GNB1L: variants seen among roughly 807,000 people sequenced by gnomAD.
The protein encoded by GNB1L is guanine nucleotide-binding protein subunit beta-like protein 1.
In GNB1L, 20 loss-of-function variants were observed where a neutral mutation model predicts 29.1. The ratio of observed to expected loss-of-function variants is 0.69; its 90% CI spans 0.48 to 1.00. The LOEUF (loss-of-function observed/expected upper bound fraction) is 1.00, where lower values mean the gene tolerates loss of function less well. GNB1L is among the 50% of genes least tolerant of loss of function. GNB1L has a pLI of 0.00. For synonymous variants in GNB1L, 193 were observed against 206.5 expected (o/e 0.93, Z 0.56); for missense variants, 421 against 464.9 (o/e 0.91, Z 0.87).
intron 4 of GNB1L, among the ~76,000 whole-genome samples, chr22:19,813,108 T>C (rs986256856): frequency 3.3e-5 from 5 of 152,030 alleles, no homozygotes; most frequent in Admixed American, 3.3e-4. Flanking sequence ...ATTAGAATTG[T>C]AAAGTCAATA....
intron 2 of GNB1L, chr22:19,848,205 A>G (rs949234893): frequency 4.0e-5 from 39 of 985,280 alleles, no homozygotes; most frequent in Admixed American, 6.1e-5. Context: ...TCCTATCTTC[A>G]GGAAATAAAA....
At chr22:19,849,028 G>T (rs1239184896) in intron 2 of GNB1L, 5 of 985,388 alleles carry the variant, frequency 5.1e-6, no homozygotes, top group Non-Finnish European at 6.0e-6. Flanking sequence ...CCCACAAAAG[G>T]GGGGATGGGG....
At chr22:19,822,944 T>C (rs1325820305) in intron 2 of GNB1L, among the ~76,000 whole-genome samples, 1 of 152,126 alleles carries the variant, frequency 6.6e-6, no homozygotes, top group Non-Finnish European at 1.5e-5. Context: ...TCAAAACACC[T>C]GAGAAATGCC....
At chr22:19,835,945 T>C (rs564333054) in intron 2 of GNB1L, among the ~76,000 whole-genome samples, 137 of 152,272 alleles carry the variant, frequency 9.0e-4, no homozygotes, top group African/African-American at 3.2e-3. Flanking sequence ...CATTAAATAC[T>C]TACATCGACA....
chr22:19,844,248 G>A lies in GNB1L; in HGVS notation c.-21+10195C>T, dbSNP rs147354954. Among the ~76,000 whole-genome samples, 734 of 152,326 alleles carry A rather than the reference G, an allele frequency of 4.8e-3. 2 individuals are homozygous for A. Among genetic ancestry groups the A allele is most frequent in the Non-Finnish European group, 6.6e-3 (449 of 68,016 alleles). On this transcript the variant is annotated intron_variant, in intron 2 of 7. Coordinates refer to ENST00000329517, the MANE Select transcript of GNB1L (RefSeq NM_053004.3). Reference sequence around the variant, plus strand: ...CGCCCAAATGGCGTGATTCGTTCCCGAGCAGAGACAAGCAAGTTCCTCTAG... The same window carrying A: ...CGCCCAAATGGCGTGATTCGTTCCCAAGCAGAGACAAGCAAGTTCCTCTAG...
intron 2 of GNB1L, chr22:19,851,842 G>C (rs200814178): frequency 6.2e-7 from 1 of 1,613,866 alleles, no homozygotes; most frequent in Non-Finnish European, 8.5e-7. Flanking sequence ...TGAGGATCTC[G>C]CAGACACGGC....
chr22:19,791,474 C>G (rs1937252726), intron 7 of GNB1L, among the ~76,000 whole-genome samples: 1 of 152,216 alleles, frequency 6.6e-6, no homozygotes. Flanking sequence ...AGCTCTCTGC[C>G]TGGAGACAAT....
chr22:19,829,588 C>T (rs1455712200), intron 2 of GNB1L, among the ~76,000 whole-genome samples: 5 of 151,870 alleles, frequency 3.3e-5, no homozygotes, highest in Admixed American at 6.6e-5. Flanking sequence ...GACTATCACA[C>T]AAAAATAGTA....
chr22:19,811,412 C>T (rs765645961), intron 5 of GNB1L, among the ~76,000 whole-genome samples: 5 of 152,152 alleles, frequency 3.3e-5, no homozygotes, highest in South Asian at 4.1e-4. Flanking sequence ...GCCCCGCCCT[C>T]GGGCCACCAT....
At chr22:19,821,581 G>A (rs1937579651) in intron 2 of GNB1L, among the ~76,000 whole-genome samples, 1 of 152,188 alleles carries the variant, frequency 6.6e-6, no homozygotes, top group African/African-American at 2.4e-5. Context: ...ACGGCGGTGA[G>A]CCCAGCAGAG....
intron 2 of GNB1L, chr22:19,847,770 G>T (rs888625438): frequency 3.4e-6 from 3 of 880,016 alleles, no homozygotes; most frequent in African/African-American, 2.4e-5. Context: ...ACAACTCTGG[G>T]CATCTAAAAC....
At chr22:19,842,071 C>G (rs542501608) in intron 2 of GNB1L, among the ~76,000 whole-genome samples, 1 of 152,334 alleles carries the variant, frequency 6.6e-6, no homozygotes, top group East Asian at 1.9e-4. Context: ...CACCTGGAAC[C>G]AGAAAGGCAC....
chr22:19,795,335 G>A (rs1443867863), intron 7 of GNB1L, among the ~76,000 whole-genome samples: 3 of 151,782 alleles, frequency 2.0e-5, no homozygotes, highest in Non-Finnish European at 4.4e-5. Context: ...CCTTCTCTGC[G>A]TAACTGGTAA....
At chr22:19,811,353 C>G (rs1421606395) in intron 5 of GNB1L, among the ~76,000 whole-genome samples, 1 of 152,142 alleles carries the variant, frequency 6.6e-6, no homozygotes, top group Admixed American at 6.5e-5. Context: ...TGGGCATGGA[C>G]AGTAGCCCCC....
At chr22:19,804,560 A>G (rs111285453) in intron 6 of GNB1L, among the ~76,000 whole-genome samples, 1 of 152,028 alleles carries the variant, frequency 6.6e-6, no homozygotes, top group Non-Finnish European at 1.5e-5. Context: ...AAATTAAAAA[A>G]TTTTTTAAAT....
rs1444421926 is a variant in GNB1L, at chr22:19,816,838, C to G, written c.254+3760G>C. ...CATGCCCAACAAGCGAGCCTGCCAC[C>G]TGCCCTCACCAACCTCCTGGCCTCC... On this transcript the variant is annotated intron_variant, in intron 4 of 7. Coordinates refer to ENST00000329517, the MANE Select transcript of GNB1L (RefSeq NM_053004.3). The surrounding 1 kb of genome is among the most constrained non-coding windows in gnomAD (Gnocchi z 4.4). Among the ~76,000 whole-genome samples, 1 of 152,208 alleles carries G rather than the reference C, an allele frequency of 6.6e-6. No individual in the cohort carries two copies. Among genetic ancestry groups the G allele is most frequent in the African/African-American group, 2.4e-5 (1 of 41,440 alleles).
chr22:19,792,892 C>G, intron 7 of GNB1L: 2 of 1,147,078 alleles, frequency 1.7e-6, no homozygotes, highest in South Asian at 2.4e-5. Flanking sequence ...AAGACCTGCA[C>G]CACTGTCACC....
intron 5 of GNB1L, among the ~76,000 whole-genome samples, chr22:19,811,823 C>G (rs1387990062): frequency 1.3e-5 from 2 of 152,054 alleles, no homozygotes; most frequent in Non-Finnish European, 1.5e-5. Context: ...CCTGGGTCAG[C>G]CCTCCCCAGG....
chr22:19,830,167 A>G (rs1937660034), intron 2 of GNB1L, among the ~76,000 whole-genome samples: 1 of 152,104 alleles, frequency 6.6e-6, no homozygotes, highest in Admixed American at 6.5e-5. Context: ...ACCTGTGACT[A>G]GCCATTGCAC....
Sources: allele counts gnomAD v4.1 joint callset (sites outside exome capture counted in the v4.1 genomes callset), GRCh38; gene constraint gnomAD v4.1.1; non-coding constraint Gnocchi (gnomAD v3.1); transcripts MANE v1.5; gene names NCBI Gene and HGNC (gene_info 2026-07-23, HGNC 2026-07-21).